Variants in DMGDH observed in about 807,000 individuals in gnomAD.
The protein encoded by DMGDH is dimethylglycine dehydrogenase.
In DMGDH, 76 loss-of-function variants were observed where a neutral mutation model predicts 95.2. That is an observed-to-expected ratio of 0.80 (90% CI 0.66 to 0.97). The LOEUF (loss-of-function observed/expected upper bound fraction) is 0.97, where lower values mean the gene tolerates loss of function less well. Ranked by LOEUF, DMGDH falls within the 50% of genes least tolerant of loss-of-function variation. The pLI, the probability that DMGDH is intolerant of heterozygous loss-of-function variation, is 0.00. For synonymous variants in DMGDH, 345 were observed against 377.6 expected, an observed-to-expected ratio of 0.91 and a Z score of 1.00; for missense variants, 987 against 1,055.0, an observed-to-expected ratio of 0.94 and a Z score of 0.89.
Position 79,069,522 on chromosome 5 carries a change from T to C in DMGDH, c.99A>G (p.Glu33=), listed in dbSNP as rs369709170. The C allele has an allele frequency of 7.8e-7, 1 of 1,286,970 alleles. No homozygotes were observed. 79.7% of individuals were successfully genotyped at this position (1,286,970 alleles called of 1,614,324 possible). Residue 33 remains glutamate, a splice_region_variant and synonymous_variant, in exon 1 of 16, where the codon GAA becomes GAG. Coordinates refer to ENST00000255189, the MANE Select transcript of DMGDH (RefSeq NM_013391.3). The stretch of plus-strand genomic sequence containing the variant: ...GAGCAGGACGGGGCCCCACTCACCC[T>C]TCCCGGCCGCAGACAGAGCGCGGGC... ...PGRPRSVCGR[E]GEEKPPLSAE... is the part of the protein sequence containing the mutation.
intron 14 of DMGDH, among the ~76,000 whole-genome samples, chr5:79,015,749 A>T (rs1236528872): frequency 6.6e-6 from 1 of 152,240 alleles, no homozygotes; most frequent in Admixed American, 6.5e-5. Context: ...CAAAATTTTT[A>T]AAAATTATCC....
chr5:79,061,296 CT>C (rs1755206417), intron 2 of DMGDH, among the ~76,000 whole-genome samples: 3 of 151,486 alleles, frequency 2.0e-5, no homozygotes, highest in Admixed American at 1.3e-4. Flanking sequence ...TTTCTTCATG[CT>C]GCTGCTCAGA....
intron 14 of DMGDH, among the ~76,000 whole-genome samples, chr5:79,009,366 T>TTTTC (rs1491233134): frequency 5.0e-4 from 12 of 24,224 alleles, no homozygotes; most frequent in Middle Eastern, 0.024. Context: ...TTTTCTTTTC[T>TTTTC]TTTTTTTTTT....
At position 79,069,646 on chromosome 5, in the gene DMGDH, G is replaced by C; in HGVS notation, c.-26C>G. 2 of 1,322,316 alleles carry C rather than the reference G, an allele frequency of 1.5e-6. No homozygotes were observed. Among genetic ancestry groups the C allele is most frequent in the Non-Finnish European group, 1.9e-6 (2 of 1,039,492 alleles). 81.9% of individuals were successfully genotyped at this position (1,322,316 alleles called of 1,614,324 possible). ...GACTAGGCCGAGGCCGAGGGCGCAG[G>C]CGCCTGCTCCGAGGCCAGCGGGCAG... On this transcript the variant is annotated 5_prime_UTR_variant, in exon 1 of 16. Transcript: ENST00000255189.
In DMGDH at chr5:79,039,020, AC is replaced by A. The variant is rs1202684772; in HGVS notation, c.1193+3262del. On this transcript the variant is annotated intron_variant, in intron 7 of 15. Coordinates refer to ENST00000255189, the MANE Select transcript of DMGDH (RefSeq NM_013391.3). ...AAACCACAATGAGATACCATCTCAC[AC>A]CAGTTAGAATGGCAATCATTAAAAA... Among the ~76,000 whole-genome samples, 8 of 151,336 alleles carry A rather than the reference AC, an allele frequency of 5.3e-5. No homozygotes were observed. In the East Asian group the frequency reaches 1.6e-3, roughly 29 times the overall value.
intron 14 of DMGDH, among the ~76,000 whole-genome samples, chr5:79,007,200 A>T (rs906551384): frequency 6.6e-6 from 1 of 152,246 alleles, no homozygotes; most frequent in Non-Finnish European, 1.5e-5. Context: ...ATAACAAGTC[A>T]TAACAAACCA....
intron 12 of DMGDH, 35 bp from the exon 13 acceptor site, chr5:79,026,616 G>T: frequency 1.2e-6 from 2 of 1,613,758 alleles, no homozygotes; most frequent in Non-Finnish European, 1.7e-6. Context: ...AGCAGGGCAA[G>T]AACAATGATC....
intron 14 of DMGDH, among the ~76,000 whole-genome samples, chr5:79,009,360 C>CTTTTTTTTTTTTTTTTTTTT (rs372464439): frequency 1.9e-5 from 2 of 107,744 alleles, no homozygotes; most frequent in African/African-American, 6.8e-5. Context: ...CTTTTCTTTT[C>CTTTTTTTTTTTTTTTTTTTT]TTTTCTTTTT....
chr5:79,007,005 C>T (rs973151877), intron 14 of DMGDH, among the ~76,000 whole-genome samples: 3 of 152,126 alleles, frequency 2.0e-5, no homozygotes, highest in Non-Finnish European at 4.4e-5. Context: ...AATGAACATC[C>T]AATTCTTTCT....
At chr5:79,050,196 C>T (rs532934914) in intron 5 of DMGDH, among the ~76,000 whole-genome samples, 4 of 137,712 alleles carry the variant, frequency 2.9e-5, no homozygotes, top group African/African-American at 8.2e-5. Flanking sequence ...TGCAGTGAGC[C>T]GAGATCGCGC....
Position 79,032,561 on chromosome 5 carries a change from G to A in DMGDH, c.1517+126C>T, listed in dbSNP as rs1754208839. The A allele has an allele frequency of 5.1e-6, 7 of 1,360,996 alleles. No homozygotes were observed. In the East Asian group the frequency reaches 1.6e-4, roughly 31 times the overall value. The allele number at this position is 1,360,996 out of a possible 1,614,324, so 84.3% of individuals were successfully genotyped here. A position where few individuals can be genotyped will look rare whatever the true frequency, so the allele number is the denominator to read the frequency against. On this transcript the variant is annotated intron_variant, in intron 9 of 15. Coordinates refer to ENST00000255189, the MANE Select transcript of DMGDH (RefSeq NM_013391.3). Reference sequence around the variant, plus strand: ...CCACTGCCAGAGAGTAATTTTTGTAGGACAAAGCTCAGTGCTCCTTGGAAC... The same window carrying A: ...CCACTGCCAGAGAGTAATTTTTGTAAGACAAAGCTCAGTGCTCCTTGGAAC...
At chr5:79,069,351 G>C (rs1401553258) in intron 1 of DMGDH, among the ~76,000 whole-genome samples, 169 bp downstream of exon 1, 1 of 152,200 alleles carries the variant, frequency 6.6e-6, no homozygotes, top group Admixed American at 6.5e-5. Context: ...TTTACACGGG[G>C]AACCTTTGGA....
chr5:79,015,899 T>C (rs1049044901), intron 14 of DMGDH, among the ~76,000 whole-genome samples: 16 of 152,330 alleles, frequency 1.1e-4, no homozygotes, highest in African/African-American at 3.6e-4. Flanking sequence ...AAAATGATTA[T>C]CTCAGTAGAT....
At chr5:79,038,888 G>C (rs1390468550) in intron 7 of DMGDH, among the ~76,000 whole-genome samples, 1 of 152,038 alleles carries the variant, frequency 6.6e-6, no homozygotes, top group Non-Finnish European at 1.5e-5. Context: ...CCATCAAAAA[G>C]TGGGCGAAGG....
At chr5:79,021,337 G>A in intron 14 of DMGDH, 5 of 1,124,150 alleles carry the variant, frequency 4.4e-6, no homozygotes, top group Non-Finnish European at 5.5e-6. Flanking sequence ...AGAGCCATCA[G>A]GAGTATATCT....
intron 10 of DMGDH, 162 bp downstream of exon 10, chr5:79,030,671 A>T: frequency 1.4e-6 from 1 of 735,228 alleles, no homozygotes; most frequent in Non-Finnish European, 2.1e-6. Flanking sequence ...AAAAAAGAAA[A>T]GAAAAAAAGA....
At chr5:79,005,199 AG>A in intron 15 of DMGDH, 73 bp downstream of exon 15, 1 of 1,597,352 alleles carries the variant, frequency 6.3e-7, no homozygotes, top group Non-Finnish European at 8.6e-7. Flanking sequence ...AGGGTTTAAG[AG>A]GAAATAGGAA....
intron 2 of DMGDH, among the ~76,000 whole-genome samples, chr5:79,062,319 T>C (rs984371053): frequency 2.0e-5 from 3 of 151,578 alleles, no homozygotes; most frequent in Non-Finnish European, 4.4e-5. Context: ...GCAAGGTCTT[T>C]GGGCTTTTAT....
intron 7 of DMGDH, among the ~76,000 whole-genome samples, chr5:79,038,611 A>G (rs936810536): frequency 6.6e-6 from 1 of 152,234 alleles, no homozygotes; most frequent in Non-Finnish European, 1.5e-5. Flanking sequence ...GCTGTGGTAT[A>G]ATAAAAATTA....
Sources: allele counts gnomAD v4.1 joint callset (sites outside exome capture counted in the v4.1 genomes callset), GRCh38; gene constraint gnomAD v4.1.1; transcripts MANE v1.5; gene names NCBI Gene and HGNC (gene_info 2026-07-23, HGNC 2026-07-21).